Variants in LPXN observed in about 807,000 individuals in gnomAD.
The protein encoded by LPXN is leupaxin.
Under a neutral mutation model 45.6 loss-of-function variants are expected in LPXN, and 28 were observed. The ratio of observed to expected loss-of-function variants is 0.61; its 90% CI spans 0.45 to 0.84. The LOEUF (loss-of-function observed/expected upper bound fraction) is 0.84. Among genes scored for constraint, LPXN ranks in the 40% least tolerant of loss-of-function variants. LPXN has a pLI of 0.00. For synonymous variants in LPXN, 166 were observed against 169.9 expected, an observed-to-expected ratio of 0.98 and a Z score of 0.18; for missense variants, 459 against 475.0, an observed-to-expected ratio of 0.97 and a Z score of 0.31.
At chr11:58,558,981 A>G (rs1173886597) in intron 3 of LPXN, among the ~76,000 whole-genome samples, 2 of 151,926 alleles carry the variant, frequency 1.3e-5, no homozygotes, top group East Asian at 3.8e-4. Context: ...CATAATATTC[A>G]AGATTTTAAA....
At chr11:58,556,570 TCA>T (rs1854210649) in intron 3 of LPXN, among the ~76,000 whole-genome samples, 1 of 152,060 alleles carries the variant, frequency 6.6e-6, no homozygotes, top group Non-Finnish European at 1.5e-5. Context: ...CAGCACATCC[TCA>T]GTCTTTCTTT....
chr11:58,545,355 T>C (rs1322532268), intron 7 of LPXN, among the ~76,000 whole-genome samples: 1 of 152,178 alleles, frequency 6.6e-6, no homozygotes, highest in African/African-American at 2.4e-5. Flanking sequence ...TATGTCCTGT[T>C]GTTCTGCTTT....
chr11:58,578,184 C>G (rs1854966990), upstream of LPXN: 1 of 1,180,718 alleles, frequency 8.5e-7, no homozygotes, highest in Non-Finnish European at 1.2e-6. Flanking sequence ...ACCCTCCCAT[C>G]AGACCAGCAA....
At chr11:58,532,789 G>A (rs778731368) in intron 7 of LPXN, among the ~76,000 whole-genome samples, 3 of 152,208 alleles carry the variant, frequency 2.0e-5, no homozygotes, top group South Asian at 2.1e-4. Context: ...CAGGCTGCCC[G>A]AGCCAGCAGT....
chr11:58,574,267 G>A (rs950069977), intron 1 of LPXN, among the ~76,000 whole-genome samples: 3 of 152,188 alleles, frequency 2.0e-5, no homozygotes, highest in Non-Finnish European at 4.4e-5. Flanking sequence ...ATAAGTTTCT[G>A]TTAAATCTGG....
chr11:58,527,920 T>C (rs1853275014), intron 8 of LPXN, 123 bp downstream of exon 8: 3 of 1,233,888 alleles, frequency 2.4e-6, no homozygotes, highest in South Asian at 2.9e-5. Context: ...CGTTTCTCCT[T>C]TAGGATGCGC....
At chr11:58,535,668 A>C (rs776712011) in intron 7 of LPXN, among the ~76,000 whole-genome samples, 11 of 152,214 alleles carry the variant, frequency 7.2e-5, no homozygotes, top group Non-Finnish European at 1.5e-4. Flanking sequence ...AGTTCTCGCT[A>C]GGGCAATCAG....
At chr11:58,577,175 T>C (rs1306976212), upstream of LPXN, among the ~76,000 whole-genome samples, 3 of 152,054 alleles carry the variant, frequency 2.0e-5, no homozygotes, top group Admixed American at 6.6e-5. Context: ...ATTCCTCCTC[T>C]GTATTACTTT....
intron 7 of LPXN, among the ~76,000 whole-genome samples, chr11:58,543,392 GA>G: frequency 6.6e-6 from 1 of 152,252 alleles, no homozygotes; most frequent in Admixed American, 6.5e-5. Flanking sequence ...TGCATAAATA[GA>G]TTAACTTTTA....
intron 4 of LPXN, among the ~76,000 whole-genome samples, chr11:58,553,042 A>G (rs958215075): frequency 1.3e-5 from 2 of 152,172 alleles, no homozygotes; most frequent in Non-Finnish European, 2.9e-5. Context: ...AGCTTATTCA[A>G]AAGATAAATG....
chr11:58,545,288 T>G (rs907628555), intron 7 of LPXN, among the ~76,000 whole-genome samples: 3 of 152,168 alleles, frequency 2.0e-5, no homozygotes, highest in Admixed American at 2.0e-4. Flanking sequence ...GGTCATCCTA[T>G]GGATTGGGTA....
At chr11:58,577,938 G>T, upstream of LPXN, 1 of 1,498,944 alleles carries the variant, frequency 6.7e-7, no homozygotes. Flanking sequence ...CCTTGTGCTA[G>T]GGCTCCGAGG....
chr11:58,569,872 TG>T (rs1198689351), intron 2 of LPXN, among the ~76,000 whole-genome samples: 1 of 152,198 alleles, frequency 6.6e-6, no homozygotes, highest in Non-Finnish European at 1.5e-5. Flanking sequence ...TGCTGCCACC[TG>T]GCCTTCCTCA....
At chr11:58,563,629 T>C (rs1346263148) in intron 3 of LPXN, among the ~76,000 whole-genome samples, 1 of 152,212 alleles carries the variant, frequency 6.6e-6, no homozygotes, top group Non-Finnish European at 1.5e-5. Flanking sequence ...CCAGGAGAAA[T>C]GATTTAGTAA....
Position 58,570,604 on chromosome 11 carries a change from A to C in LPXN, c.123T>G (p.Asp41Glu). The C allele has an allele frequency of 1.2e-6, 2 of 1,613,728 alleles. No homozygotes were observed. The highest frequency in any genetic ancestry group is 2.2e-5 in the South Asian group (2 of 91,058). The change falls in exon 2 of 9, where the codon GAT (aspartate) becomes GAG (glutamate). Residue 41 changes from aspartate to glutamate, a missense_variant. Coordinates refer to ENST00000395074, the MANE Select transcript of LPXN (RefSeq NM_004811.3). ...GAATAGAAAGGATCTCCGAAGTCTCATCAAGGTTAGTCTCCTTTCTGGAAT... is the reference window on the plus strand; with the variant it reads ...GAATAGAAAGGATCTCCGAAGTCTCCTCAAGGTTAGTCTCCTTTCTGGAAT... Reference protein sequence around the residue: ...DQHSRKETNLDETSEILSIQD... With the variant: ...DQHSRKETNLEETSEILSIQD...
At chr11:58,577,503 G>A (rs1467796862), upstream of LPXN, among the ~76,000 whole-genome samples, 1 of 152,166 alleles carries the variant, frequency 6.6e-6, no homozygotes, top group Non-Finnish European at 1.5e-5. Context: ...AGCCCTGGAT[G>A]CCTTATTTTC....
chr11:58,570,526 G>A (rs546134793), intron 2 of LPXN, 30 bp downstream of exon 2: 41 of 1,558,308 alleles, frequency 2.6e-5, no homozygotes, highest in Non-Finnish European at 3.5e-5. Flanking sequence ...AAACATCCAT[G>A]TTTAAGGACT....
At chr11:58,561,877 G>A (rs990911610) in intron 3 of LPXN, among the ~76,000 whole-genome samples, 3 of 152,196 alleles carry the variant, frequency 2.0e-5, no homozygotes, top group African/African-American at 4.8e-5. Context: ...ACCTTGAAGA[G>A]TTAATGATTA....
intron 3 of LPXN, among the ~76,000 whole-genome samples, chr11:58,562,812 TG>T (rs912458699): frequency 0.011 from 11 of 1,046 alleles, no homozygotes; most frequent in Non-Finnish European, 0.044. Flanking sequence ...GAGCGACTTG[TG>T]GGGGGGAAAT....
Sources: allele counts gnomAD v4.1 joint callset (sites outside exome capture counted in the v4.1 genomes callset), GRCh38; gene constraint gnomAD v4.1.1; transcripts MANE v1.5; gene names NCBI Gene and HGNC (gene_info 2026-07-23, HGNC 2026-07-21).